Variants in CES5A observed in about 807,000 individuals in gnomAD.
The protein encoded by CES5A is carboxylesterase 5.
Under a neutral mutation model 62.9 loss-of-function variants are expected in CES5A, and 67 were observed. That is an observed-to-expected ratio of 1.07 (90% CI 0.88 to 1.31). The LOEUF (loss-of-function observed/expected upper bound fraction) is 1.31. Among genes scored for constraint, CES5A ranks in the 50% most tolerant of loss-of-function variants. CES5A has a pLI of 0.00. For synonymous variants in CES5A, 296 were observed against 280.8 expected, an observed-to-expected ratio of 1.05 and a Z score of -0.54; for missense variants, 748 against 708.5, an observed-to-expected ratio of 1.06 and a Z score of -0.63.
intron 1 of CES5A, among the ~76,000 whole-genome samples, chr16:55,917,673 T>C (rs796910135): frequency 2.6e-4 from 40 of 152,284 alleles, no homozygotes; most frequent in African/African-American, 9.4e-4. Flanking sequence ...ACAGAAGCCA[T>C]GGTTGTAAGC....
chr16:55,910,188 A>G (rs2034079999), intron 1 of CES5A, among the ~76,000 whole-genome samples: 1 of 152,138 alleles, frequency 6.6e-6, no homozygotes, highest in Admixed American at 6.5e-5. Context: ...ACTCCTAGCT[A>G]AGAGGAATCC....
At chr16:55,851,027 C>T (rs1294501879) in intron 10 of CES5A, among the ~76,000 whole-genome samples, 3 of 152,136 alleles carry the variant, frequency 2.0e-5, no homozygotes, top group Non-Finnish European at 2.9e-5. Flanking sequence ...AAAACTAAAA[C>T]TGTAAACCTC....
intron 1 of CES5A, among the ~76,000 whole-genome samples, chr16:55,904,647 A>G (rs1295627500): frequency 1.3e-5 from 2 of 152,230 alleles, no homozygotes; most frequent in African/African-American, 2.4e-5. Context: ...GGAAGTTTTT[A>G]ATACTAGTTC....
At chr16:55,888,891 G>T (rs1371550629) in intron 1 of CES5A, among the ~76,000 whole-genome samples, 1 of 152,166 alleles carries the variant, frequency 6.6e-6, no homozygotes, top group Non-Finnish European at 1.5e-5. Context: ...ACCAAGGTAT[G>T]AACTGCATGA....
Position 55,871,635 on chromosome 16 carries a change from G to A in CES5A, c.407C>T (p.Ser136Phe), listed in dbSNP as rs369304717. 6.2e-7 allele frequency: 1 copy of A among 1,614,104 alleles called. No homozygotes were observed. Among genetic ancestry groups the A allele is most frequent in the East Asian group, 2.2e-5 (1 of 44,878 alleles). Residue 136 changes from serine (S) to phenylalanine (F), a missense_variant, in exon 3 of 13, where the codon TCC (serine) becomes TTC (phenylalanine). Transcript: ENST00000290567. ...AGCAGGCAGCCTTACGGGGAGCTTG[G>A]AGCCTGTATCGGCGTGGGCAGGCGC... ...IYAPAHADTGSKLPVLVWFPG... is the reference protein window; with the variant it reads ...IYAPAHADTGFKLPVLVWFPG...
upstream of CES5A, among the ~76,000 whole-genome samples, chr16:55,925,776 CAT>C (rs1411380988): frequency 6.6e-6 from 1 of 151,962 alleles, no homozygotes; most frequent in African/African-American, 2.4e-5. Context: ...ACAAATATCA[CAT>C]GTTAAATGGG....
chr16:55,857,647 G>C (rs2033269370), intron 8 of CES5A, among the ~76,000 whole-genome samples: 1 of 152,204 alleles, frequency 6.6e-6, no homozygotes, highest in South Asian at 2.1e-4. Context: ...CTAACAGCTA[G>C]CAAGGGGTTT....
At chr16:55,871,223 T>C (rs931748674) in intron 3 of CES5A, among the ~76,000 whole-genome samples, 2 of 152,174 alleles carry the variant, frequency 1.3e-5, no homozygotes, top group African/African-American at 4.8e-5. Context: ...TATTCTTAAA[T>C]GAAACACTTA....
chr16:55,853,623 A>G (rs1195185881), intron 9 of CES5A, among the ~76,000 whole-genome samples: 1 of 152,068 alleles, frequency 6.6e-6, no homozygotes, highest in African/African-American at 2.4e-5. Flanking sequence ...ATTATATGAG[A>G]TGTGAAGAGA....
At chr16:55,896,492 C>G (rs1221129101) in intron 1 of CES5A, among the ~76,000 whole-genome samples, 1 of 152,212 alleles carries the variant, frequency 6.6e-6, no homozygotes. Context: ...AACCTTCAAG[C>G]CAGCAGAATC....
chr16:55,954,326 T>C (rs2034586723), intron 1 of CES5A, among the ~76,000 whole-genome samples: 1 of 152,102 alleles, frequency 6.6e-6, no homozygotes, highest in African/African-American at 2.4e-5. Flanking sequence ...ATTGCATGCA[T>C]TGGAAGCAAA....
chr16:55,944,243 A>T, intron 2 of CES5A: 5 of 616,058 alleles, frequency 8.1e-6, no homozygotes, highest in Middle Eastern at 2.6e-4. Flanking sequence ...TCCTCCAGGG[A>T]CTTTTTGCCT....
At chr16:55,873,316 A>C (rs17318582) in intron 2 of CES5A, among the ~76,000 whole-genome samples, 22,051 of 152,056 alleles carry the variant, frequency 0.15, 1,812 homozygotes, top group East Asian at 0.18. Flanking sequence ...ACGGGTATTT[A>C]TGGAGTTCAC....
chr16:55,954,554 C>T (rs894366943), intron 1 of CES5A, among the ~76,000 whole-genome samples: 4 of 152,178 alleles, frequency 2.6e-5, no homozygotes, highest in African/African-American at 7.2e-5. Flanking sequence ...TGCCTGCTTG[C>T]TCTTTATTCC....
upstream of CES5A, among the ~76,000 whole-genome samples, chr16:55,926,661 C>G (rs1347313504): frequency 2.0e-5 from 3 of 152,168 alleles, no homozygotes; most frequent in African/African-American, 7.2e-5. Context: ...GAGAAATGAG[C>G]AGGAATATTG....
At chr16:55,912,832 G>A (rs1339623261) in intron 1 of CES5A, among the ~76,000 whole-genome samples, 1 of 152,088 alleles carries the variant, frequency 6.6e-6, no homozygotes, top group Non-Finnish European at 1.5e-5. Context: ...GGCCCTGAGA[G>A]GTGAAGACAA....
At chr16:55,905,334 G>A (rs187513899) in intron 1 of CES5A, among the ~76,000 whole-genome samples, 98 of 150,536 alleles carry the variant, frequency 6.5e-4, no homozygotes, top group Admixed American at 1.6e-3. Context: ...TTTTATCCAC[G>A]TTATCCTGGC....
At chr16:55,891,184 G>T (rs1371568254) in intron 1 of CES5A, among the ~76,000 whole-genome samples, 1 of 152,050 alleles carries the variant, frequency 6.6e-6, no homozygotes, top group Admixed American at 6.6e-5. Context: ...AGCCTGTGTG[G>T]TCTAACCCTA....
At chr16:55,874,400 T>C (rs2033657660) in intron 1 of CES5A, among the ~76,000 whole-genome samples, 1 of 152,048 alleles carries the variant, frequency 6.6e-6, no homozygotes, top group Admixed American at 6.6e-5. Flanking sequence ...TTCCCAGGGG[T>C]TCCTACACTT....
Sources: allele counts gnomAD v4.1 joint callset (sites outside exome capture counted in the v4.1 genomes callset), GRCh38; gene constraint gnomAD v4.1.1; transcripts MANE v1.5; gene names NCBI Gene and HGNC (gene_info 2026-07-23, HGNC 2026-07-21).